RBBP7: variants seen among roughly 807,000 people sequenced by gnomAD.
The protein encoded by RBBP7 is RB binding protein 7, chromatin remodeling factor, also known as histone-binding protein RBBP7.
RBBP7 carries 5 observed loss-of-function variants against 35.2 expected under a neutral mutation model. The observed-to-expected ratio is 0.14, with a 90% CI of 0.07 to 0.30. The LOEUF (loss-of-function observed/expected upper bound fraction) is 0.30. Ranked by LOEUF, RBBP7 falls within the 10% of genes least tolerant of loss-of-function variation. RBBP7 has a pLI of 1.00. For synonymous variants in RBBP7, 140 were observed against 118.7 expected, an observed-to-expected ratio of 1.18 and a Z score of -1.17; for missense variants, 155 against 327.5, an observed-to-expected ratio of 0.47 and a Z score of 4.07.
chrX:16,863,170 G>T, intron 2 of RBBP7, 70 bp from the exon 3 acceptor site: 1 of 1,023,345 alleles, frequency 9.8e-7, no homozygotes, highest in Non-Finnish European at 1.3e-6. Flanking sequence ...ATTCAGTCTA[G>T]TTCCCTCAAA....
intron 1 of RBBP7, 182 bp from the exon 2 acceptor site, chrX:16,869,402 T>C: frequency 9.3e-7 from 1 of 1,079,619 alleles, no homozygotes; most frequent in Non-Finnish European, 1.2e-6. Context: ...AGCCTATTTT[T>C]TCCATTGAGA....
intron 9 of RBBP7, among the ~76,000 whole-genome samples, chrX:16,850,881 G>C (rs1410013065): frequency 8.9e-6 from 1 of 112,013 alleles, no homozygotes; most frequent in African/African-American, 3.2e-5. Context: ...GGAGAATCAC[G>C]TGGGGTCAGG....
intron 1 of RBBP7, 76 bp downstream of exon 1, chrX:16,869,962 G>A (rs1306220081): frequency 2.7e-6 from 2 of 748,385 alleles, no homozygotes; most frequent in African/African-American, 2.4e-5. Flanking sequence ...CGCGCCTTTC[G>A]CCGGCGCGTG....
At chrX:16,845,729 T>C in intron 11 of RBBP7, 99 bp downstream of exon 11, 3 of 1,089,344 alleles carry the variant, frequency 2.8e-6, no homozygotes, top group South Asian at 5.2e-5. Flanking sequence ...ATGTTTGGCA[T>C]AATATGCACC....
intron 5 of RBBP7, among the ~76,000 whole-genome samples, chrX:16,856,425 G>A (rs1489063051): frequency 1.8e-5 from 2 of 110,836 alleles, no homozygotes; most frequent in Non-Finnish European, 3.8e-5. Context: ...AGCTACTTGG[G>A]AGGCTAAGGC....
At chrX:16,857,547 C>T (rs767052987) in intron 5 of RBBP7, 47 bp downstream of exon 5, 19 of 1,203,842 alleles carry the variant, frequency 1.6e-5, no homozygotes, top group African/African-American at 1.1e-4. Flanking sequence ...AGCTGTGACA[C>T]GTCAGCTCTC....
chrX:16,869,713 G>A (rs1930725927), intron 1 of RBBP7: 4 of 995,631 alleles, frequency 4.0e-6, no homozygotes, highest in Non-Finnish European at 2.5e-6. Flanking sequence ...CGCGCGCGTA[G>A]AAAGAGCCGC....
chrX:16,866,346 T>TGA (rs1432083301), intron 2 of RBBP7, among the ~76,000 whole-genome samples: 1 of 107,001 alleles, frequency 9.3e-6, no homozygotes, highest in Non-Finnish European at 1.9e-5. Flanking sequence ...ACCAACATAG[T>TGA]GAAACCCTGT....
At chrX:16,862,149 G>C (rs1409117395) in intron 3 of RBBP7, among the ~76,000 whole-genome samples, 1 of 111,283 alleles carries the variant, frequency 9.0e-6, no homozygotes, top group Non-Finnish European at 1.9e-5. Context: ...ATCCTGTGTG[G>C]CCTTGGACAA....
chrX:16,866,189 G>A (rs1930610581), intron 2 of RBBP7, among the ~76,000 whole-genome samples: 2 of 111,486 alleles, frequency 1.8e-5, no homozygotes, highest in Admixed American at 1.9e-4. Flanking sequence ...TATTCAACAA[G>A]AGATATGAAA....
At chrX:16,867,489 G>A (rs1930652404) in intron 2 of RBBP7, among the ~76,000 whole-genome samples, 1 of 111,409 alleles carries the variant, frequency 9.0e-6, no homozygotes. Context: ...TGTTGTGGCT[G>A]TAAACGTCAA....
intron 3 of RBBP7, among the ~76,000 whole-genome samples, chrX:16,859,958 T>C (rs1463182743): frequency 3.6e-5 from 4 of 111,135 alleles, no homozygotes; most frequent in Admixed American, 9.6e-5. Context: ...TTCAGTGTGG[T>C]TGAAAAAACC....
chrX:16,858,969 AAGAC>A, intron 3 of RBBP7, 120 bp from the exon 4 acceptor site: 2 of 1,031,639 alleles, frequency 1.9e-6, no homozygotes, highest in Non-Finnish European at 2.6e-6. Context: ...TGACAAGACA[AAGAC>A]AGAAACATGC....
intron 10 of RBBP7, 67 bp from the exon 11 acceptor site, chrX:16,846,005 TA>T: frequency 1.7e-6 from 2 of 1,159,148 alleles, no homozygotes; most frequent in Non-Finnish European, 2.3e-6. Context: ...AAGGTTTTAC[TA>T]AGTTTTTAGA....
At chrX:16,845,185 GAACTT>G in intron 11 of RBBP7, 82 bp from the exon 12 acceptor site, 4 of 639,167 alleles carry the variant, frequency 6.3e-6, no homozygotes, top group Non-Finnish European at 9.7e-6. Context: ...AATCTATTTA[GAACTT>G]AATAGTTTCA....
rs188754612 is a variant in RBBP7, at chrX:16,854,959, T to C, written c.598-1117A>G. On this transcript the variant is annotated intron_variant, in intron 5 of 11. Transcript: ENST00000380087. ...TACCATGAAGGTATATTAGCACTAA[T>C]TATAGTTCCACCGACACTGGTATGG... 5.4e-3 allele frequency among the ~76,000 whole-genome samples: 550 copies of C among 102,588 alleles called. 8 individuals are homozygous for C. The highest frequency in any genetic ancestry group is 0.019 in the African/African-American group (525 of 27,417). 89.1% of individuals were successfully genotyped at this position (102,588 alleles called of 115,157 possible).
chrX:16,870,252 A>T lies in RBBP7; in HGVS notation c.-199T>A. ...GCCTCCTCCCCGCTCGCGGGTACCG[A>T]GGTCTGAGGCGCTCTTCTCTCTCTC... On this transcript the variant is annotated 5_prime_UTR_variant, in exon 1 of 12. Coordinates refer to ENST00000380087, the MANE Select transcript of RBBP7 (RefSeq NM_002893.4). 2.1e-6 allele frequency: 1 copy of T among 472,746 alleles called. No homozygotes were observed. The highest frequency in any genetic ancestry group is 2.8e-6 in the Non-Finnish European group (1 of 363,311). 39.0% of individuals were successfully genotyped at this position (472,746 alleles called of 1,213,427 possible).
intron 5 of RBBP7, among the ~76,000 whole-genome samples, chrX:16,855,888 T>C (rs1246526079): frequency 9.5e-6 from 1 of 104,890 alleles, no homozygotes; most frequent in Non-Finnish European, 1.9e-5. Context: ...TCCCACCTAC[T>C]TGACAGGCTG....
At chrX:16,865,862 A>G (rs1033492744) in intron 2 of RBBP7, among the ~76,000 whole-genome samples, 1 of 112,623 alleles carries the variant, frequency 8.9e-6, no homozygotes, top group Admixed American at 9.4e-5. Context: ...ATCCATAAAC[A>G]AAATTCTATG....
Sources: gnomAD v4.1 joint callset for allele counts (sites outside exome capture counted in the v4.1 genomes callset) on GRCh38, gnomAD v4.1.1 for gene constraint, MANE v1.5 for transcripts, NCBI Gene and HGNC (gene_info 2026-07-23, HGNC 2026-07-21) for gene names.